Variants in USP32 observed in about 807,000 individuals in gnomAD.
The protein encoded by USP32 is ubiquitin specific peptidase 32, also known as ubiquitin carboxyl-terminal hydrolase 32.
Under a neutral mutation model 204.8 loss-of-function variants are expected in USP32, and 59 were observed. The observed-to-expected ratio is 0.29, with a 90% CI of 0.23 to 0.36. The LOEUF is 0.36. Ranked by LOEUF, USP32 falls within the 10% of genes least tolerant of loss-of-function variation. The pLI is 1.00. For synonymous variants in USP32, 517 were observed against 678.4 expected (o/e 0.76, Z 3.70); for missense variants, 1,160 against 1,946.4 (o/e 0.60, Z 7.60).
intron 1 of USP32, among the ~76,000 whole-genome samples, chr17:60,346,271 A>G (rs1276424159): frequency 6.6e-6 from 1 of 152,202 alleles, no homozygotes; most frequent in Non-Finnish European, 1.5e-5. Flanking sequence ...AATTTTCAAA[A>G]GACAAAACTT....
intron 1 of USP32, among the ~76,000 whole-genome samples, chr17:60,371,340 G>A (rs1479193869): frequency 1.3e-5 from 2 of 151,948 alleles, no homozygotes; most frequent in African/African-American, 2.4e-5. Context: ...GCCAAGGCGG[G>A]TGGATCACCT....
intron 5 of USP32, among the ~76,000 whole-genome samples, chr17:60,285,361 C>T (rs1328121661): frequency 2.0e-5 from 3 of 152,132 alleles, no homozygotes; most frequent in Non-Finnish European, 1.5e-5. Flanking sequence ...CCCATTCATG[C>T]CAGAACTTAC....
chr17:60,302,294 T>C (rs1420360978), intron 2 of USP32, among the ~76,000 whole-genome samples: 3 of 152,164 alleles, frequency 2.0e-5, no homozygotes, highest in South Asian at 2.1e-4. Flanking sequence ...TGGGATTACA[T>C]GTGCCACCAT....
intron 2 of USP32, among the ~76,000 whole-genome samples, chr17:60,313,194 T>A (rs1432129369): frequency 7.2e-6 from 1 of 139,816 alleles, no homozygotes; most frequent in Non-Finnish European, 1.5e-5. Flanking sequence ...GAGGTTGCAG[T>A]GAGCCAAGAT....
At chr17:60,194,069 G>A (rs1166303679) in intron 27 of USP32, among the ~76,000 whole-genome samples, 1 of 151,642 alleles carries the variant, frequency 6.6e-6, no homozygotes, top group African/African-American at 2.4e-5. Context: ...TTGAGACAGG[G>A]TATCACTCTG....
chr17:60,386,556 G>A lies in USP32; in HGVS notation c.58+5326C>T, dbSNP rs551748320. ...CAGTGCCAAAAATCTTCCTTTTCTC[G>A]TCCTGAGAAAATATCTGGCTATGGG... is the stretch of plus-strand genomic sequence containing the variant. On this transcript the variant is annotated intron_variant, in intron 1 of 33. Transcript: ENST00000300896. Among the ~76,000 whole-genome samples, 10 of 152,086 alleles carry A rather than the reference G, an allele frequency of 6.6e-5. No individual in the cohort carries two copies. The South Asian group carries it at 1.5e-3, about 22-fold the overall frequency.
intron 9 of USP32, among the ~76,000 whole-genome samples, chr17:60,260,392 G>A (rs533541012): frequency 1.8e-3 from 268 of 151,724 alleles, no homozygotes; most frequent in African/African-American, 5.5e-3. Flanking sequence ...GTGTGGTGGC[G>A]GGTGCCTGTA....
intron 2 of USP32, among the ~76,000 whole-genome samples, chr17:60,335,583 T>C (rs1262322374): frequency 7.0e-6 from 1 of 142,910 alleles, no homozygotes; most frequent in Admixed American, 6.8e-5. Context: ...ATATCTACAA[T>C]AGAAATTTCC....
chr17:60,351,645 C>G (rs1034023998), intron 1 of USP32, among the ~76,000 whole-genome samples: 2 of 152,150 alleles, frequency 1.3e-5, no homozygotes, highest in African/African-American at 4.8e-5. Flanking sequence ...CCAGGCTGGT[C>G]TTGAACTCCT....
At chr17:60,200,302 C>G (rs1171047582) in intron 26 of USP32, among the ~76,000 whole-genome samples, 3 of 152,152 alleles carry the variant, frequency 2.0e-5, no homozygotes, top group East Asian at 3.9e-4. Context: ...TGGCTCACAC[C>G]TGTAATTCCA....
In USP32 at chr17:60,185,613, T is replaced by C. The variant is rs558370790; in HGVS notation, c.3681A>G (p.Arg1227=). 5.6e-6 allele frequency: 9 copies of C among 1,611,938 alleles called. No individual in the cohort carries two copies. In the Admixed American group the frequency reaches 1.2e-4, roughly 21 times the overall value. ...DEHESVEQSR[R]AQAEPINLDS... is the part of the protein sequence containing the mutation. ...CCAGGTTGATGGGCTCGGCTTGCGC[T>C]CGCCGACTCTGCTCCACACTCTCAT... Residue 1227 remains arginine (R), a synonymous_variant, in exon 30 of 34, where the codon CGA becomes CGG. Transcript: ENST00000300896.
chr17:60,232,142 G>A (rs2085571525), intron 12 of USP32, among the ~76,000 whole-genome samples: 1 of 149,912 alleles, frequency 6.7e-6, no homozygotes, highest in African/African-American at 2.5e-5. Flanking sequence ...CAAATTATCT[G>A]ACATGTCAAC....
At chr17:60,382,053 G>A (rs2089655180) in intron 1 of USP32, among the ~76,000 whole-genome samples, 1 of 152,188 alleles carries the variant, frequency 6.6e-6, no homozygotes, top group Non-Finnish European at 1.5e-5. Flanking sequence ...GCAAAACCCT[G>A]ACAAGATTTA....
At chr17:60,360,164 G>C (rs551744500) in intron 1 of USP32, among the ~76,000 whole-genome samples, 1 of 150,474 alleles carries the variant, frequency 6.6e-6, no homozygotes, top group African/African-American at 2.4e-5. Flanking sequence ...CACCGCGCCC[G>C]GCCCTGTAAG....
chr17:60,196,716 T>A (rs937237650), intron 27 of USP32, among the ~76,000 whole-genome samples: 1 of 151,442 alleles, frequency 6.6e-6, no homozygotes, highest in African/African-American at 2.4e-5. Flanking sequence ...TCCCAGCTAC[T>A]CAGGAGGCTG....
intron 1 of USP32, among the ~76,000 whole-genome samples, chr17:60,404,951 C>T (rs1006742253): frequency 3.3e-5 from 5 of 151,960 alleles, no homozygotes; most frequent in Non-Finnish European, 7.4e-5. Flanking sequence ...CCGAGGCAGG[C>T]GGATCTCTTG....
intron 1 of USP32, among the ~76,000 whole-genome samples, chr17:60,375,334 T>C (rs2089519200): frequency 6.6e-6 from 1 of 152,226 alleles, no homozygotes; most frequent in Admixed American, 6.5e-5. Flanking sequence ...TAGTCTCAGC[T>C]TGCATGGTCA....
intron 12 of USP32, among the ~76,000 whole-genome samples, chr17:60,229,154 T>A (rs1233966279): frequency 6.6e-6 from 1 of 152,102 alleles, no homozygotes; most frequent in Non-Finnish European, 1.5e-5. Context: ...TGAGCTCAAG[T>A]GATCCTTCCA....
At chr17:60,186,289 G>C (rs934286858) in intron 29 of USP32, among the ~76,000 whole-genome samples, 6 of 152,256 alleles carry the variant, frequency 3.9e-5, no homozygotes, top group African/African-American at 1.4e-4. Context: ...CCTCAAGCCA[G>C]GGGTGCTGAT....
Sources: allele counts gnomAD v4.1 joint callset (sites outside exome capture counted in the v4.1 genomes callset), GRCh38; gene constraint gnomAD v4.1.1; transcripts MANE v1.5; gene names NCBI Gene and HGNC (gene_info 2026-07-23, HGNC 2026-07-21).